SUPT20H: variants seen among roughly 807,000 people sequenced by gnomAD.
SUPT20H encodes the protein SPT20 homolog, SAGA complex component.
SUPT20H carries 82 observed loss-of-function variants against 122.8 expected under a neutral mutation model. The ratio of observed to expected loss-of-function variants is 0.67; its 90% CI spans 0.56 to 0.80. The LOEUF is 0.80. SUPT20H is among the 30% of genes least tolerant of loss of function. The probability of loss-of-function intolerance (pLI) is 0.00; values close to 1 mark genes in which losing one functional copy is unlikely to be tolerated. For missense variants in SUPT20H, 831 were observed against 921.6 expected (o/e 0.90, Z 1.27); for synonymous variants, 291 against 313.0 (o/e 0.93, Z 0.74).
rs1435366085 is a variant in SUPT20H, at chr13:37,029,787, T to A, written c.971A>T (p.Gln324Leu). 1 of 1,600,336 alleles carries A rather than the reference T, an allele frequency of 6.2e-7. No individual in the cohort carries two copies. The highest frequency in any genetic ancestry group is 8.5e-7 in the Non-Finnish European group (1 of 1,174,378). The change falls in exon 13 of 26, where the codon CAG (glutamine) becomes CTG (leucine). Residue 324 changes from glutamine (Q) to leucine (L), a missense_variant. Gln to Leu is a moderately radical substitution (Grantham distance 113, BLOSUM62 -2). Coordinates refer to ENST00000350612, the MANE Select transcript of SUPT20H (RefSeq NM_001014286.3). ...VEKSIKSDDS[Q>L]PTVWPAHDVK... The stretch of plus-strand genomic sequence containing the variant: ...TACATGGGCTGGCCAGACTGTTGGC[T>A]GTGAGTCATCAGATTTGATAGACTT...
At chr13:37,033,639 T>C (rs1217692245) in intron 9 of SUPT20H, 51 bp from the exon 10 acceptor site, 14 of 1,579,664 alleles carry the variant, frequency 8.9e-6, no homozygotes, top group African/African-American at 1.4e-5. Flanking sequence ...TTTTCAAATA[T>C]GTAATCATAT....
chr13:37,027,981 G>A (rs1182939525), intron 14 of SUPT20H, among the ~76,000 whole-genome samples, 167 bp downstream of exon 14: 1 of 151,986 alleles, frequency 6.6e-6, no homozygotes, highest in Non-Finnish European at 1.5e-5. Context: ...TGGTAACTAC[G>A]ACTTAAGTTT....
intron 9 of SUPT20H, among the ~76,000 whole-genome samples, chr13:37,036,514 G>T (rs1260710056): frequency 1.3e-5 from 2 of 151,996 alleles, no homozygotes; most frequent in Non-Finnish European, 2.9e-5. Context: ...TAGAGACGGG[G>T]TTTCACCATG....
In SUPT20H at chr13:37,059,645, T is replaced by C. The variant is rs1259859063; in HGVS notation, c.-180A>G. 6.6e-6 allele frequency: 1 copy of C among 152,428 alleles called. No homozygotes were observed. The highest frequency in any genetic ancestry group is 2.4e-5 in the African/African-American group (1 of 41,478). 9.4% of individuals were successfully genotyped at this position (152,428 alleles called of 1,614,324 possible). A position where few individuals can be genotyped will look rare whatever the true frequency, so the allele number is the denominator to read the frequency against. The stretch of plus-strand genomic sequence containing the variant: ...ACCCGCCCCGTCGGCGGCTCAGTGC[T>C]GCACCCCCACCAACAGCCAGTTCCG... On this transcript the variant is annotated 5_prime_UTR_variant, in exon 1 of 26. Transcript: ENST00000350612.
chr13:37,038,404 A>G (rs2138489427), intron 9 of SUPT20H: 1 of 152,340 alleles, frequency 6.6e-6, no homozygotes, highest in Non-Finnish European at 1.5e-5. Flanking sequence ...TCCTTTATCA[A>G]TCTTCAGAGT....
chr13:37,058,046 T>C (rs1436645490), intron 1 of SUPT20H, among the ~76,000 whole-genome samples: 1 of 149,600 alleles, frequency 6.7e-6, no homozygotes, highest in East Asian at 2.0e-4. Context: ...GGTGGGTCAC[T>C]TGAGGTCAGG....
chr13:37,048,833 T>C (rs2067031567), intron 2 of SUPT20H, among the ~76,000 whole-genome samples: 1 of 152,110 alleles, frequency 6.6e-6, no homozygotes, highest in Non-Finnish European at 1.5e-5. Flanking sequence ...CTCTGGTCAG[T>C]GTTTGTGAGG....
intron 1 of SUPT20H, 52 bp from the exon 2 acceptor site, chr13:37,051,635 A>G (rs76854310): frequency 8.0e-4 from 203 of 253,124 alleles, no homozygotes; most frequent in Admixed American, 1.5e-3. Context: ...CTATTAAGAG[A>G]AAAAAAAAGA....
chr13:37,015,309 T>C (rs1273952422), intron 23 of SUPT20H, among the ~76,000 whole-genome samples: 5 of 149,730 alleles, frequency 3.3e-5, no homozygotes, highest in African/African-American at 1.2e-4. Context: ...ACAACAAAAA[T>C]TAATCTGAAA....
intron 9 of SUPT20H, 137 bp from the exon 10 acceptor site, chr13:37,033,725 G>A: frequency 1.0e-6 from 1 of 953,818 alleles, no homozygotes; most frequent in Non-Finnish European, 1.4e-6. Context: ...AAGTTCCAAT[G>A]TTAGTGTGCA....
At chr13:37,045,968 C>T (rs2066340990) in intron 5 of SUPT20H, among the ~76,000 whole-genome samples, 1 of 151,990 alleles carries the variant, frequency 6.6e-6, no homozygotes, top group Non-Finnish European at 1.5e-5. Flanking sequence ...ACAACAAAGT[C>T]CATGATTTTA....
At position 37,028,227 on chromosome 13, in the gene SUPT20H, G is replaced by T; in HGVS notation, c.1072C>A (p.Leu358Ile). The T allele has an allele frequency of 6.2e-7, 1 of 1,613,490 alleles. No individual in the cohort carries two copies. Among genetic ancestry groups the T allele is most frequent in the Non-Finnish European group, 8.5e-7 (1 of 1,179,766 alleles). Residue 358 changes from leucine to isoleucine, a missense_variant, in exon 14 of 26, where the codon CTT (leucine) becomes ATT (isoleucine). Leu to Ile is a conservative substitution (Grantham distance 5, BLOSUM62 2). Transcript: ENST00000350612. ...TTACCATAGTAAAGTGGATCTCCAA[G>T]CGACTGCAAGATGGTCAGCTTTGTT... ...QKTKLTILQS[L>I]GDPLYYGKIQ...
At chr13:37,035,003 A>G (rs1404093608) in intron 9 of SUPT20H, among the ~76,000 whole-genome samples, 1 of 152,218 alleles carries the variant, frequency 6.6e-6, no homozygotes, top group Non-Finnish European at 1.5e-5. Flanking sequence ...GAAAAAAAAG[A>G]TTCTTTCAAA....
intron 9 of SUPT20H, chr13:37,038,657 T>A (rs2064936716): frequency 6.6e-6 from 1 of 152,240 alleles, no homozygotes; most frequent in South Asian, 2.1e-4. Flanking sequence ...GTCAGGCAAC[T>A]GAACACTTTT....
rs200449639 is a variant in SUPT20H, at chr13:37,040,716, C to A, written c.397-24G>T. ...ACCTGTTTGGGCAAAAATACGTAAACGTCATTTTTTTTTCCAAAAGCCTAA... is the reference window on the plus strand; with the variant it reads ...ACCTGTTTGGGCAAAAATACGTAAAAGTCATTTTTTTTTCCAAAAGCCTAA... On this transcript the variant is annotated intron_variant, in intron 7 of 25. Transcript: ENST00000350612. 3 of 1,582,970 alleles carry A rather than the reference C, an allele frequency of 1.9e-6. No individual in the cohort carries two copies. In the South Asian group the frequency reaches 3.4e-5, roughly 18 times the overall value.
intron 2 of SUPT20H, among the ~76,000 whole-genome samples, 175 bp from the exon 3 acceptor site, chr13:37,048,774 G>T (rs1483504508): frequency 6.6e-6 from 1 of 151,892 alleles, no homozygotes; most frequent in Non-Finnish European, 1.5e-5. Flanking sequence ...TATGAGTCTT[G>T]GGCACCTGAT....
At chr13:37,047,492 T>C (rs745912458) in intron 5 of SUPT20H, 43 bp downstream of exon 5, 6 of 1,394,556 alleles carry the variant, frequency 4.3e-6, no homozygotes, top group South Asian at 1.5e-5. Context: ...ATTCCTCTCT[T>C]CTACATTTCA....
At chr13:37,055,702 C>T (rs1034765398) in intron 1 of SUPT20H, among the ~76,000 whole-genome samples, 2 of 152,138 alleles carry the variant, frequency 1.3e-5, no homozygotes, top group African/African-American at 2.4e-5. Flanking sequence ...AGGACATAGG[C>T]GAGGGCAAGG....
intron 23 of SUPT20H, among the ~76,000 whole-genome samples, chr13:37,015,592 T>G (rs1431677717): frequency 6.6e-6 from 1 of 151,888 alleles, no homozygotes; most frequent in African/African-American, 2.4e-5. Context: ...GGGAATTAGG[T>G]AAAATGGTAC....
Sources: allele counts gnomAD v4.1 joint callset (sites outside exome capture counted in the v4.1 genomes callset), GRCh38; gene constraint gnomAD v4.1.1; transcripts MANE v1.5; gene names NCBI Gene and HGNC (gene_info 2026-07-23, HGNC 2026-07-21).